The following CNTN3 variants were observed in gnomAD, a reference collection of about 807,000 sequenced individuals.
The protein encoded by CNTN3 is contactin-3.
In CNTN3, 60 loss-of-function variants were observed where a neutral mutation model predicts 119.1. That is an observed-to-expected ratio of 0.50 (90% confidence interval 0.41 to 0.62). The LOEUF is 0.62. Ranked by LOEUF, CNTN3 falls within the 20% of genes least tolerant of loss-of-function variation. CNTN3 has a pLI of 0.00. For missense variants in CNTN3, 1,101 were observed against 1,242.4 expected, an observed-to-expected ratio of 0.89 and a Z score of 1.71; for synonymous variants, 450 against 438.7, an observed-to-expected ratio of 1.03 and a Z score of -0.32.
intron 13 of CNTN3, among the ~76,000 whole-genome samples, chr3:74,319,817 C>CA (rs533398450): frequency 0.22 from 30,634 of 139,460 alleles, 3,644 homozygotes; most frequent in East Asian, 0.55. Context: ...AACAAATTTA[C>CA]AAAAAAAAAA....
chr3:74,270,667 G>GT (rs1701755977), intron 20 of CNTN3, among the ~76,000 whole-genome samples: 1 of 152,168 alleles, frequency 6.6e-6, no homozygotes, highest in African/African-American at 2.4e-5. Context: ...AGTTGATAGT[G>GT]TAACTTCTAG....
chr3:74,338,716 C>A (rs932139937), intron 11 of CNTN3, among the ~76,000 whole-genome samples: 5 of 151,998 alleles, frequency 3.3e-5, no homozygotes, highest in African/African-American at 1.2e-4. Context: ...CTATCTATTA[C>A]GGTTTGTTAT....
chr3:74,492,193 A>T (rs1256103718), intron 3 of CNTN3, among the ~76,000 whole-genome samples: 2 of 152,196 alleles, frequency 1.3e-5, no homozygotes, highest in Non-Finnish European at 2.9e-5. Flanking sequence ...CAAGTGAGAA[A>T]TGATTTATTA....
chr3:74,302,256 C>G (rs983909562), intron 14 of CNTN3, among the ~76,000 whole-genome samples: 1 of 152,142 alleles, frequency 6.6e-6, no homozygotes, highest in Non-Finnish European at 1.5e-5. Context: ...AAATCAGTAT[C>G]CTGGGCAGCA....
intron 5 of CNTN3, among the ~76,000 whole-genome samples, chr3:74,423,043 G>A (rs1701641693): frequency 6.6e-6 from 1 of 152,124 alleles, no homozygotes; most frequent in African/African-American, 2.4e-5. Flanking sequence ...GCTGTCAGAG[G>A]TCACCTTTGC....
At chr3:74,391,878 G>C (rs1025516711) in intron 5 of CNTN3, among the ~76,000 whole-genome samples, 3 of 152,070 alleles carry the variant, frequency 2.0e-5, no homozygotes, top group Middle Eastern at 3.2e-3. Flanking sequence ...GGCTGGTCTT[G>C]AACTCCTAAC....
intron 4 of CNTN3, among the ~76,000 whole-genome samples, chr3:74,469,648 G>A (rs879662046): frequency 2.6e-5 from 4 of 152,096 alleles, no homozygotes; most frequent in African/African-American, 7.2e-5. Flanking sequence ...ACCACAATAC[G>A]ATACCCCTTC....
At chr3:74,608,255 A>G (rs1319387489) in intron 1 of CNTN3, among the ~76,000 whole-genome samples, 1 of 152,200 alleles carries the variant, frequency 6.6e-6, no homozygotes, top group African/African-American at 2.4e-5. Flanking sequence ...CAAGTGAAAT[A>G]GACTATTCTC....
chr3:74,453,429 A>G (rs1424408387), intron 4 of CNTN3, among the ~76,000 whole-genome samples: 1 of 151,998 alleles, frequency 6.6e-6, no homozygotes, highest in Non-Finnish European at 1.5e-5. Flanking sequence ...TAGTCTTGCT[A>G]CCAGTCTATC....
chr3:74,396,408 T>C (rs913833731), intron 5 of CNTN3, among the ~76,000 whole-genome samples: 2 of 152,080 alleles, frequency 1.3e-5, no homozygotes, highest in African/African-American at 4.8e-5. Flanking sequence ...TGAGTGAAGA[T>C]CAAACCAGTG....
intron 5 of CNTN3, among the ~76,000 whole-genome samples, chr3:74,381,061 T>TC (rs1704607071): frequency 6.6e-6 from 1 of 150,964 alleles, no homozygotes. Flanking sequence ...TTGTTTTTTT[T>TC]TTTCTCTCTC....
chr3:74,506,250 A>G (rs1382100427), intron 2 of CNTN3, among the ~76,000 whole-genome samples: 4 of 152,174 alleles, frequency 2.6e-5, no homozygotes, highest in African/African-American at 9.7e-5. Context: ...ATTTCACTGG[A>G]CTGATTAACA....
At chr3:74,285,621 A>T in intron 19 of CNTN3, 130 bp from the exon 20 acceptor site, 6 of 848,914 alleles carry the variant, frequency 7.1e-6, no homozygotes, top group South Asian at 1.7e-5. Flanking sequence ...AAGACCTACT[A>T]TGTGCTAGGT....
chr3:74,382,010 A>G (rs913475224), intron 5 of CNTN3, among the ~76,000 whole-genome samples: 1 of 152,102 alleles, frequency 6.6e-6, no homozygotes, highest in African/African-American at 2.4e-5. Context: ...GGAGTTTGAG[A>G]TCAGGCCAAC....
intron 4 of CNTN3, among the ~76,000 whole-genome samples, chr3:74,428,763 C>T (rs1701737041): frequency 6.6e-6 from 1 of 152,190 alleles, no homozygotes; most frequent in African/African-American, 2.4e-5. Context: ...ACTCACCGCT[C>T]ACTCACCAGT....
At chr3:74,571,430 T>C (rs974386566) in intron 1 of CNTN3, among the ~76,000 whole-genome samples, 3 of 152,132 alleles carry the variant, frequency 2.0e-5, no homozygotes, top group African/African-American at 7.2e-5. Context: ...GGTACAGACC[T>C]AAGAATTGGA....
intron 18 of CNTN3, 63 bp downstream of exon 18, chr3:74,297,894 C>A: frequency 1.0e-5 from 13 of 1,273,040 alleles, no homozygotes; most frequent in South Asian, 1.4e-5. Flanking sequence ...GACTCCAAAT[C>A]AGTTTTTGGA....
intron 5 of CNTN3, among the ~76,000 whole-genome samples, chr3:74,411,487 A>G (rs1009350229): frequency 5.3e-5 from 8 of 152,168 alleles, no homozygotes; most frequent in Admixed American, 2.0e-4. Flanking sequence ...TTTGATAGGT[A>G]AAATCAATAT....
chr3:74,415,213 G>T (rs1701501112), intron 5 of CNTN3, among the ~76,000 whole-genome samples: 1 of 152,138 alleles, frequency 6.6e-6, no homozygotes, highest in South Asian at 2.1e-4. Flanking sequence ...CCAGTTAGGG[G>T]ATCTGGGAAT....
Sources: allele counts gnomAD v4.1 joint callset (sites outside exome capture counted in the v4.1 genomes callset), GRCh38; gene constraint gnomAD v4.1.1; transcripts MANE v1.5; gene names NCBI Gene and HGNC (gene_info 2026-07-23, HGNC 2026-07-21).